NEGR1: variants seen among roughly 807,000 people sequenced by gnomAD.
NEGR1 encodes the protein neuronal growth regulator 1, also known as IgLON family member 4.
NEGR1 carries 10 observed loss-of-function variants against 40.9 expected under a neutral mutation model. The ratio of observed to expected loss-of-function variants is 0.24; its 90% CI spans 0.15 to 0.42. The LOEUF is 0.42. Among genes scored for constraint, NEGR1 ranks in the 10% least tolerant of loss-of-function variants. The pLI, the probability that NEGR1 is intolerant of heterozygous loss-of-function variation, is 1.00. For synonymous variants in NEGR1, 185 were observed against 166.8 expected, an observed-to-expected ratio of 1.11 and a Z score of -0.84; for missense variants, 352 against 438.9, an observed-to-expected ratio of 0.80 and a Z score of 1.77.
Position 72,069,355 on chromosome 1 carries a change from G to A in NEGR1, c.177-134044C>T, listed in dbSNP as rs560704820. On this transcript the variant is annotated intron_variant, in intron 1 of 6. Transcript: ENST00000357731. ...GCTACTGTGGAGGCTGAGGTGGGAG[G>A]ATCACCTGAGCCCAGAAGGCAGAGG... 1.2e-3 allele frequency among the ~76,000 whole-genome samples: 178 copies of A among 152,044 alleles called. 1 individual carries two copies. Among genetic ancestry groups the A allele is most frequent in the African/African-American group, 4.1e-3 (172 of 41,472 alleles).
intron 4 of NEGR1, among the ~76,000 whole-genome samples, chr1:71,650,131 T>C (rs989771667): frequency 1.3e-5 from 2 of 151,974 alleles, no homozygotes; most frequent in South Asian, 2.1e-4. Context: ...TAAAAAGAAA[T>C]GAAAAGATGA....
intron 1 of NEGR1, among the ~76,000 whole-genome samples, chr1:72,163,028 A>C (rs545080090): frequency 6.6e-6 from 1 of 152,218 alleles, no homozygotes; most frequent in African/African-American, 2.4e-5. Flanking sequence ...GATTTAGGTT[A>C]TCTTTCCTTC....
intron 1 of NEGR1, among the ~76,000 whole-genome samples, chr1:72,047,687 A>G (rs1487703514): frequency 6.6e-6 from 1 of 151,380 alleles, no homozygotes; most frequent in Non-Finnish European, 1.5e-5. Context: ...ATAAGTAATC[A>G]CTCTACTCTT....
At chr1:71,957,782 A>T (rs912489023) in intron 1 of NEGR1, among the ~76,000 whole-genome samples, 2 of 152,210 alleles carry the variant, frequency 1.3e-5, no homozygotes, top group East Asian at 3.9e-4. Flanking sequence ...ATAATTCCTC[A>T]TGGCCCACAG....
intron 1 of NEGR1, among the ~76,000 whole-genome samples, chr1:72,036,616 A>G (rs1055181972): frequency 2.0e-4 from 30 of 149,182 alleles, no homozygotes; most frequent in African/African-American, 7.4e-4. Flanking sequence ...AGATTGCGCT[A>G]TTGTACTCCA....
intron 4 of NEGR1, among the ~76,000 whole-genome samples, chr1:71,672,739 T>C (rs1652475971): frequency 6.6e-6 from 1 of 152,148 alleles, no homozygotes; most frequent in Admixed American, 6.5e-5. Context: ...CCCAGGGCTA[T>C]TCCTTGAGAC....
At chr1:72,079,619 G>C (rs1313774649) in intron 1 of NEGR1, among the ~76,000 whole-genome samples, 1 of 151,934 alleles carries the variant, frequency 6.6e-6, no homozygotes, top group Non-Finnish European at 1.5e-5. Context: ...ACAAATATAG[G>C]TAAGATGTGC....
intron 2 of NEGR1, among the ~76,000 whole-genome samples, chr1:71,919,604 G>A (rs776452383): frequency 4.7e-5 from 7 of 149,426 alleles, no homozygotes; most frequent in Non-Finnish European, 8.9e-5. Context: ...ATATACTCTC[G>A]TTGATTTTTT....
chr1:71,448,220 A>G (rs1646596485), intron 6 of NEGR1, among the ~76,000 whole-genome samples: 1 of 123,030 alleles, frequency 8.1e-6, no homozygotes, highest in Admixed American at 9.1e-5. Flanking sequence ...TACTTGAAGT[A>G]CCTTCTCTGA....
intron 1 of NEGR1, among the ~76,000 whole-genome samples, chr1:72,065,709 C>A (rs1475526360): frequency 6.6e-6 from 1 of 152,084 alleles, no homozygotes; most frequent in African/African-American, 2.4e-5. Flanking sequence ...TGGTCATCAT[C>A]ATATTAACAT....
chr1:72,119,686 T>G (rs984238999), intron 1 of NEGR1, among the ~76,000 whole-genome samples: 1 of 151,986 alleles, frequency 6.6e-6, no homozygotes, highest in African/African-American at 2.4e-5. Context: ...TCTAGAGATA[T>G]TTTTAGTTGC....
chr1:72,252,335 C>G (rs1052718676), intron 1 of NEGR1, among the ~76,000 whole-genome samples: 2 of 152,090 alleles, frequency 1.3e-5, no homozygotes, highest in African/African-American at 4.8e-5. Context: ...TGAGCCATTG[C>G]GCCCAGCCTT....
intron 2 of NEGR1, among the ~76,000 whole-genome samples, chr1:71,919,758 G>A (rs1170295508): frequency 6.6e-6 from 1 of 152,166 alleles, no homozygotes; most frequent in Non-Finnish European, 1.5e-5. Context: ...GTTCGAGTTT[G>A]AGGAAAGTTG....
intron 2 of NEGR1, among the ~76,000 whole-genome samples, chr1:71,916,923 CTG>C (rs1661602049): frequency 6.6e-6 from 1 of 152,064 alleles, no homozygotes; most frequent in Non-Finnish European, 1.5e-5. Flanking sequence ...GTCCATGGGG[CTG>C]TGTGTGATGG....
At chr1:71,756,499 T>G (rs1435481526) in intron 3 of NEGR1, among the ~76,000 whole-genome samples, 8 of 151,784 alleles carry the variant, frequency 5.3e-5, no homozygotes, top group Non-Finnish European at 1.0e-4. Context: ...TACAGACATG[T>G]GTTCAAAATC....
chr1:71,874,919 T>C (rs1392388580), intron 2 of NEGR1, among the ~76,000 whole-genome samples: 1 of 152,004 alleles, frequency 6.6e-6, no homozygotes, highest in Admixed American at 6.6e-5. Flanking sequence ...TCATGATTCA[T>C]TGCAGCTTCA....
chr1:72,237,406 C>G (rs1654584674), intron 1 of NEGR1, among the ~76,000 whole-genome samples: 1 of 151,922 alleles, frequency 6.6e-6, no homozygotes, highest in African/African-American at 2.4e-5. Context: ...GTTCTGGAGC[C>G]TGAGAAGTCC....
intron 1 of NEGR1, among the ~76,000 whole-genome samples, chr1:72,019,941 G>A (rs1646742426): frequency 6.6e-6 from 1 of 152,170 alleles, no homozygotes; most frequent in Admixed American, 6.5e-5. Context: ...ACATATTCTA[G>A]TTATAGTGAA....
In NEGR1 at chr1:71,691,148, T is replaced by C. The variant is rs374866276; in HGVS notation, c.667+6860A>G. ...AAAAATAGTCTTGGCACACTAGTCATTAATTGAACTGTATGTCTAATATTT... is the reference window on the plus strand; with the variant it reads ...AAAAATAGTCTTGGCACACTAGTCACTAATTGAACTGTATGTCTAATATTT... On this transcript the variant is annotated intron_variant, in intron 4 of 6. Transcript: ENST00000357731. Among the ~76,000 whole-genome samples, 41 of 152,060 alleles carry C rather than the reference T, an allele frequency of 2.7e-4. 2 individuals are homozygous for C. In the East Asian group the frequency reaches 2.7e-3, roughly 10 times the overall value.
Sources: allele counts gnomAD v4.1 joint callset (sites outside exome capture counted in the v4.1 genomes callset), GRCh38; gene constraint gnomAD v4.1.1; transcripts MANE v1.5; gene names NCBI Gene and HGNC (gene_info 2026-07-23, HGNC 2026-07-21).